Variants in MAPK4 observed in about 807,000 individuals in gnomAD.
The protein encoded by MAPK4 is Erk3-related.
A neutral mutation model predicts 47.7 loss-of-function variants in MAPK4; 22 were observed. The observed-to-expected ratio is 0.46, with a 90% confidence interval of 0.33 to 0.66. The LOEUF (loss-of-function observed/expected upper bound fraction) is 0.66. Among genes scored for constraint, MAPK4 ranks in the 30% least tolerant of loss-of-function variants. MAPK4 has a pLI of 0.02. For missense variants in MAPK4, 736 were observed against 831.7 expected (o/e 0.88, Z 1.42); for synonymous variants, 390 against 365.7 (o/e 1.07, Z -0.76).
At chr18:50,638,940 A>G (rs1230549859) in intron 1 of MAPK4, among the ~76,000 whole-genome samples, 1 of 152,198 alleles carries the variant, frequency 6.6e-6, no homozygotes, top group Non-Finnish European at 1.5e-5. Flanking sequence ...CTATGCTAGG[A>G]AACAGCAGAG....
chr18:50,691,924 C>T (rs956145426), intron 2 of MAPK4, among the ~76,000 whole-genome samples: 1 of 152,206 alleles, frequency 6.6e-6, no homozygotes, highest in Non-Finnish European at 1.5e-5. Context: ...GCACTCAGAT[C>T]TACACTTTGG....
At chr18:50,703,797 C>A (rs1028538056) in intron 2 of MAPK4, among the ~76,000 whole-genome samples, 5 of 152,194 alleles carry the variant, frequency 3.3e-5, no homozygotes, top group African/African-American at 1.2e-4. Flanking sequence ...GCCAGCCTGT[C>A]CCAAGGGTGT....
intron 1 of MAPK4, among the ~76,000 whole-genome samples, chr18:50,625,031 G>T (rs1364925731): frequency 6.6e-6 from 1 of 152,088 alleles, no homozygotes; most frequent in Non-Finnish European, 1.5e-5. Context: ...TTCACTCTCT[G>T]GGGTACCTGG....
chr18:50,704,675 T>G, intron 2 of MAPK4: 1 of 398,698 alleles, frequency 2.5e-6, no homozygotes, highest in East Asian at 3.6e-5. Context: ...GGAGCAGCTG[T>G]GAAGAGGCTG....
intron 2 of MAPK4, among the ~76,000 whole-genome samples, chr18:50,690,744 G>A (rs2144347415): frequency 1.3e-5 from 2 of 152,326 alleles, no homozygotes; most frequent in South Asian, 4.2e-4. Context: ...GGAGTAGCTT[G>A]AGAATTGAGG....
chr18:50,590,643 T>G (rs1598803165), intron 1 of MAPK4, among the ~76,000 whole-genome samples: 1 of 152,244 alleles, frequency 6.6e-6, no homozygotes, highest in East Asian at 1.9e-4. Context: ...AATGGAATAA[T>G]AATGTTATAT....
chr18:50,705,170 C>T (rs977639753), intron 2 of MAPK4: 7 of 169,508 alleles, frequency 4.1e-5, no homozygotes, highest in Non-Finnish European at 2.5e-5. Flanking sequence ...AATGAAACTT[C>T]GAGCTAATTT....
chr18:50,574,523 G>A (rs922693975), intron 1 of MAPK4, among the ~76,000 whole-genome samples: 4 of 152,160 alleles, frequency 2.6e-5, no homozygotes, highest in African/African-American at 4.8e-5. Flanking sequence ...GGTATACAGA[G>A]CCCAGTTCTC....
chr18:50,567,985 A>G lies in MAPK4; in HGVS notation c.-871+7742A>G, dbSNP rs565436211. On this transcript the variant is annotated intron_variant, in intron 1 of 5. Coordinates refer to ENST00000400384, the MANE Select transcript of MAPK4 (RefSeq NM_002747.4). ...GCCGAGGCAGGCTGATCATGAGGTC[A>G]GGCGATCGAGACCATCCTGGCTAAC... 3.0e-4 allele frequency among the ~76,000 whole-genome samples: 46 copies of G among 152,188 alleles called. 1 individual carries two copies. The highest frequency in any genetic ancestry group is 1.1e-3 in the African/African-American group (45 of 41,518).
At chr18:50,627,736 G>T (rs1439916139) in intron 1 of MAPK4, among the ~76,000 whole-genome samples, 1 of 152,202 alleles carries the variant, frequency 6.6e-6, no homozygotes, top group Non-Finnish European at 1.5e-5. Context: ...GGTACTGCCT[G>T]CCCAGGAGAT....
chr18:50,681,284 T>G (rs376029619), intron 2 of MAPK4, among the ~76,000 whole-genome samples: 7 of 152,224 alleles, frequency 4.6e-5, no homozygotes, highest in African/African-American at 1.4e-4. Context: ...AAAAGTTTTT[T>G]AAATATTCCA....
At chr18:50,659,151 C>T (rs186827165) in intron 1 of MAPK4, among the ~76,000 whole-genome samples, 2 of 152,226 alleles carry the variant, frequency 1.3e-5, no homozygotes, top group African/African-American at 2.4e-5. Context: ...TTATCTGGCT[C>T]GTTATAGAAA....
chr18:50,721,812 GT>G (rs1434167122), intron 3 of MAPK4, 125 bp from the exon 4 acceptor site: 44 of 843,150 alleles, frequency 5.2e-5, no homozygotes, highest in Middle Eastern at 4.6e-4. Flanking sequence ...CAGAACCCCG[GT>G]CCCAGCCCAG....
intron 2 of MAPK4, among the ~76,000 whole-genome samples, chr18:50,672,127 A>G (rs568327458): frequency 6.6e-5 from 10 of 152,192 alleles, no homozygotes; most frequent in Non-Finnish European, 1.3e-4. Flanking sequence ...TCAGGTCTCC[A>G]TAGTGCAGAT....
chr18:50,658,528 C>T (rs1354662397), intron 1 of MAPK4, among the ~76,000 whole-genome samples: 5 of 152,216 alleles, frequency 3.3e-5, no homozygotes, highest in Admixed American at 6.5e-5. Flanking sequence ...TCAGGTGAAG[C>T]CGTTGGCCTC....
At chr18:50,659,317 G>A (rs529068535) in intron 1 of MAPK4, among the ~76,000 whole-genome samples, 39 of 152,260 alleles carry the variant, frequency 2.6e-4, no homozygotes, top group African/African-American at 6.5e-4. Flanking sequence ...GCGGCTCCTC[G>A]GGAGAAGGGC....
chr18:50,573,456 C>G (rs1296051944), intron 1 of MAPK4, among the ~76,000 whole-genome samples: 1 of 152,192 alleles, frequency 6.6e-6, no homozygotes, highest in Non-Finnish European at 1.5e-5. Flanking sequence ...CATAGGAGCA[C>G]AAACCCTATT....
At chr18:50,581,191 G>A (rs1357485476) in intron 1 of MAPK4, among the ~76,000 whole-genome samples, 2 of 152,184 alleles carry the variant, frequency 1.3e-5, no homozygotes, top group Non-Finnish European at 1.5e-5. Context: ...GCTTAAAACG[G>A]CAAAGGTTTA....
At chr18:50,712,409 A>G (rs1012040630) in intron 2 of MAPK4, among the ~76,000 whole-genome samples, 1 of 152,232 alleles carries the variant, frequency 6.6e-6, no homozygotes, top group African/African-American at 2.4e-5. Context: ...CCTGGGCGAC[A>G]GAATGCGAGA....
Sources: gnomAD v4.1 joint callset for allele counts (sites outside exome capture counted in the v4.1 genomes callset) on GRCh38, gnomAD v4.1.1 for gene constraint, MANE v1.5 for transcripts, NCBI Gene and HGNC (gene_info 2026-07-23, HGNC 2026-07-21) for gene names.